HEXA: variants seen among roughly 807,000 people sequenced by gnomAD.
HEXA encodes the protein beta-hexosaminidase subunit alpha.
In HEXA, 54 loss-of-function variants were observed where a neutral mutation model predicts 73.3. The observed-to-expected ratio is 0.74, with a 90% confidence interval of 0.59 to 0.92. The LOEUF is 0.92. Among genes scored for constraint, HEXA ranks in the 40% least tolerant of loss-of-function variants. The probability of loss-of-function intolerance (pLI) is 0.00; values close to 1 mark genes in which losing one functional copy is unlikely to be tolerated. For missense variants in HEXA, 649 were observed against 653.0 expected (o/e 0.99, Z 0.07); for synonymous variants, 230 against 246.9 (o/e 0.93, Z 0.64).
rs1244956386 is a variant in HEXA at position 72,346,696 on chromosome 15, T to A, written c.1161A>T (p.Thr387=). The A allele has an allele frequency of 6.2e-7, 1 of 1,614,010 alleles. No individual in the cohort carries two copies. Among genetic ancestry groups the A allele is most frequent in the African/African-American group, 1.3e-5 (1 of 74,934 alleles). The part of the protein sequence containing the change: ...FDNKVKIQPD[T]IIQVWREDIP... ...TATCCTCTCGCCACACCTGTATGAT[T>A]GTGTCTGGCTGAATCTGTTATAAAA... The change falls in exon 11 of 14, where the codon ACA becomes ACT. Residue 387 remains threonine (T), a synonymous_variant. Coordinates refer to ENST00000268097, the MANE Select transcript of HEXA (RefSeq NM_000520.6).
intron 13 of HEXA, 81 bp from the exon 14 acceptor site, chr15:72,344,221 T>C: frequency 1.1e-6 from 1 of 943,326 alleles, no homozygotes; most frequent in Non-Finnish European, 1.7e-6. Context: ...GTCAACAGTC[T>C]CTCCTTCCCC....
chr15:72,348,783 AG>A (rs2088655388), intron 8 of HEXA, among the ~76,000 whole-genome samples: 1 of 152,346 alleles, frequency 6.6e-6, no homozygotes, highest in East Asian at 1.9e-4. Flanking sequence ...CTTCATAAAC[AG>A]GGATTATTTT....
At chr15:72,369,583 G>A (rs1030972191) in intron 1 of HEXA, among the ~76,000 whole-genome samples, 3 of 152,118 alleles carry the variant, frequency 2.0e-5, no homozygotes, top group Non-Finnish European at 2.9e-5. Flanking sequence ...TGTTGTCCAG[G>A]CTGGAGTGCA....
rs2140344740 is a variant in HEXA, at chr15:72,375,885, A to C, written c.88T>G (p.Phe30Val). ...ATALWPWPQNFQTSDQRYVLY... is the reference protein window; with the variant it reads ...ATALWPWPQNVQTSDQRYVLY... Reference sequence around the variant, plus strand: ...ACGTAGCGCTGGTCGGAGGTTTGGAAGTTCTGAGGCCAGGGCCAGAGGGCC... The same window carrying C: ...ACGTAGCGCTGGTCGGAGGTTTGGACGTTCTGAGGCCAGGGCCAGAGGGCC... Residue 30 changes from phenylalanine (F) to valine (V), a missense_variant, in exon 1 of 14, where the codon TTC (phenylalanine) becomes GTC (valine). By Grantham distance (50) the Phe-to-Val change is conservative. Transcript: ENST00000268097. 2.5e-6 allele frequency: 4 copies of C among 1,614,232 alleles called. No individual in the cohort carries two copies. Among genetic ancestry groups the C allele is most frequent in the Non-Finnish European group, 1.7e-6 (2 of 1,180,036 alleles).
At position 72,343,856 on chromosome 15, in the gene HEXA, C is replaced by T; in HGVS notation, c.*221G>A. The T allele has an allele frequency of 4.3e-6, 2 of 462,094 alleles. No homozygotes were observed. Among genetic ancestry groups the T allele is most frequent in the Non-Finnish European group, 4.0e-6 (1 of 252,366 alleles). 28.6% of individuals were successfully genotyped at this position (462,094 alleles called of 1,614,324 possible). A position where few individuals can be genotyped will look rare whatever the true frequency, so the allele number is the denominator to read the frequency against. Reference sequence around the variant, plus strand: ...TGCCCTTACCCTAACGCCATTCACACTTTTTTTTTTAAACACAGGTAATCC... The same window carrying T: ...TGCCCTTACCCTAACGCCATTCACATTTTTTTTTTTAAACACAGGTAATCC... On this transcript the variant is annotated 3_prime_UTR_variant, in exon 14 of 14. Coordinates refer to ENST00000268097, the MANE Select transcript of HEXA (RefSeq NM_000520.6).
At chr15:72,357,111 A>C (rs566827637) in intron 1 of HEXA, 1 of 252,302 alleles carries the variant, frequency 4.0e-6, no homozygotes, top group African/African-American at 2.2e-5. Context: ...TTCATACAAG[A>C]TTTTCTTGAT....
intron 13 of HEXA, 128 bp downstream of exon 13, chr15:72,345,318 G>T: frequency 6.6e-7 from 1 of 1,518,544 alleles, no homozygotes; most frequent in Non-Finnish European, 8.9e-7. Flanking sequence ...TTGAATCCGT[G>T]GATGAGGGCT....
At chr15:72,361,458 A>G (rs2088852301) in intron 1 of HEXA, among the ~76,000 whole-genome samples, 1 of 152,154 alleles carries the variant, frequency 6.6e-6, no homozygotes, top group Non-Finnish European at 1.5e-5. Context: ...CAGCAGGCCA[A>G]TGACTCCCAA....
At chr15:72,352,966 T>C in intron 5 of HEXA, 102 bp downstream of exon 5, 2 of 763,268 alleles carry the variant, frequency 2.6e-6, no homozygotes, top group Non-Finnish European at 4.7e-6. Context: ...ACCCAGTCCA[T>C]ACATTCCCTC....
In HEXA at chr15:72,349,156, T is replaced by C. The variant is rs2088661576; in HGVS notation, c.909A>G (p.Thr303=). 6.2e-7 allele frequency: 1 copy of C among 1,613,866 alleles called. No homozygotes were observed. Among genetic ancestry groups the C allele is most frequent in the African/African-American group, 1.3e-5 (1 of 74,908 alleles). The change falls in exon 8 of 14, where the codon ACA becomes ACG. Residue 303 remains threonine (T), a synonymous_variant. Transcript: ENST00000268097. The part of the protein sequence containing the change: ...SLNNTYEFMS[T]FFLEVSSVFP... Reference sequence around the variant, plus strand: ...AGACAGAGCTGACTTCTAAGAAGAATGTGCTCATGAACTCATAGGTATTAT... The same window carrying C: ...AGACAGAGCTGACTTCTAAGAAGAACGTGCTCATGAACTCATAGGTATTAT...
intron 2 of HEXA, 82 bp from the exon 3 acceptor site, chr15:72,355,706 C>T: frequency 1.0e-6 from 1 of 958,528 alleles, no homozygotes; most frequent in Non-Finnish European, 1.7e-6. Flanking sequence ...ATATAAATCA[C>T]TGGACTAAAA....
chr15:72,347,548 A>G lies in HEXA; in HGVS notation c.1146+138T>C. 9 of 756,692 alleles carry G rather than the reference A, an allele frequency of 1.2e-5. No individual in the cohort carries two copies. The South Asian group carries it at 1.3e-4, about 11-fold the overall frequency. The allele number at this position is 756,692 out of a possible 1,614,324, so 46.9% of individuals were successfully genotyped here. ...GCACCCAGCACTCTGTGGCCTTTCT[A>G]GAGAGAAAAGGAGAGTGCTCCGACC... On this transcript the variant is annotated intron_variant, in intron 10 of 13. Coordinates refer to ENST00000268097, the MANE Select transcript of HEXA (RefSeq NM_000520.6).
rs976578994 is a variant in HEXA at position 72,341,097 on chromosome 15, C to T, written c.*2980G>A. 2.6e-5 allele frequency: 4 copies of T among 152,098 alleles called. No individual in the cohort carries two copies. Among genetic ancestry groups the T allele is most frequent in the Non-Finnish European group, 5.9e-5 (4 of 68,024 alleles). 9.4% of individuals were successfully genotyped at this position (152,098 alleles called of 1,614,324 possible). ...ACAAAAGATATTGACAGAAACTATA[C>T]AAATCTAGAATTTAGAGTGCTAGGA... On this transcript the variant is annotated 3_prime_UTR_variant, in exon 14 of 14. Coordinates refer to ENST00000268097, the MANE Select transcript of HEXA (RefSeq NM_000520.6).
At chr15:72,375,659 G>C in intron 1 of HEXA, 61 bp downstream of exon 1, 1 of 1,595,900 alleles carries the variant, frequency 6.3e-7, no homozygotes. Context: ...AGCCCTGGGG[G>C]AACTGTCCCC....
rs1567295650 is a variant in HEXA at position 72,346,289 on chromosome 15, T to G, written c.1367A>C (p.Glu456Ala). ...PEQKALVIGG[E>A]ACMWGEYVDN... ...CACATATTCTCCCCACATACAAGCC[T>G]CTCCACCAATCACCAGAGCCTTCTG... Residue 456 changes from glutamate (E) to alanine (A), a missense_variant, in exon 12 of 14, where the codon GAG becomes GCG. Transcript: ENST00000268097. The G allele has an allele frequency of 6.2e-7, 1 of 1,613,920 alleles. No individual in the cohort carries two copies. The highest frequency in any genetic ancestry group is 1.7e-5 in the Admixed American group (1 of 59,998).
intron 3 of HEXA, chr15:72,355,294 G>A (rs1243067636): frequency 4.2e-6 from 2 of 476,098 alleles, no homozygotes; most frequent in Admixed American, 3.3e-5. Context: ...GGGAGGCCGA[G>A]ATGGGTGGAT....
intron 6 of HEXA, 99 bp downstream of exon 6, chr15:72,351,034 C>G (rs563582322): frequency 7.4e-6 from 6 of 813,346 alleles, no homozygotes; most frequent in Non-Finnish European, 1.3e-5. Flanking sequence ...TGGTCTAAAA[C>G]TGGCTGGTTA....
chr15:72,356,391 C>T (rs2088779529), intron 2 of HEXA, 134 bp downstream of exon 2: 1 of 880,970 alleles, frequency 1.1e-6, no homozygotes, highest in East Asian at 2.6e-5. Context: ...TGGCTCTCAG[C>T]ACTTGGTGAC....
intron 5 of HEXA, 191 bp from the exon 6 acceptor site, chr15:72,351,425 C>G (rs985479676): frequency 9.3e-6 from 6 of 648,094 alleles, no homozygotes; most frequent in Non-Finnish European, 1.7e-5. Context: ...AGGGAAGGCC[C>G]AGCACACTTC....
Sources: allele counts gnomAD v4.1 joint callset (sites outside exome capture counted in the v4.1 genomes callset), GRCh38; gene constraint gnomAD v4.1.1; transcripts MANE v1.5; gene names NCBI Gene and HGNC (gene_info 2026-07-23, HGNC 2026-07-21).